Variants in PAWR observed in about 807,000 individuals in gnomAD.
PAWR encodes pro-apoptotic WT1 regulator.
PAWR carries 23 observed loss-of-function variants against 32.0 expected under a neutral mutation model. The ratio of observed to expected loss-of-function variants is 0.72; its 90% CI spans 0.52 to 1.02. The LOEUF is 1.02. PAWR is among the 50% of genes least tolerant of loss of function. The pLI is 0.00. For missense variants in PAWR, 457 were observed against 437.7 expected, an observed-to-expected ratio of 1.04 and a Z score of -0.39; for synonymous variants, 226 against 187.1, an observed-to-expected ratio of 1.21 and a Z score of -1.70.
chr12:79,634,290 T>C (rs1411988582), intron 2 of PAWR, among the ~76,000 whole-genome samples: 2 of 152,182 alleles, frequency 1.3e-5, no homozygotes, highest in Admixed American at 1.3e-4. Flanking sequence ...CTTGGTTTTT[T>C]CTTTTTTAAA....
chr12:79,626,185 A>G (rs868320543), intron 2 of PAWR, among the ~76,000 whole-genome samples: 5 of 133,276 alleles, frequency 3.8e-5, no homozygotes, highest in Non-Finnish European at 8.4e-5. Context: ...AAAAAAAAAA[A>G]GAATACATAT....
chr12:79,615,246 G>T (rs576718054), intron 3 of PAWR, among the ~76,000 whole-genome samples: 46 of 152,210 alleles, frequency 3.0e-4, no homozygotes, highest in African/African-American at 1.1e-3. Context: ...TAAAATGTAA[G>T]TGTCTGACAA....
At chr12:79,681,973 A>G (rs575551111) in intron 2 of PAWR, among the ~76,000 whole-genome samples, 6 of 152,242 alleles carry the variant, frequency 3.9e-5, no homozygotes, top group Non-Finnish European at 8.8e-5. Flanking sequence ...TAGAAAATCA[A>G]TTGATACTTT....
At chr12:79,669,352 C>A (rs973718113) in intron 2 of PAWR, among the ~76,000 whole-genome samples, 1 of 152,158 alleles carries the variant, frequency 6.6e-6, no homozygotes, top group East Asian at 1.9e-4. Context: ...AGAGTAGGGC[C>A]ATGTCTATTC....
chr12:79,674,220 G>A (rs1341526580), intron 2 of PAWR, among the ~76,000 whole-genome samples: 2 of 151,998 alleles, frequency 1.3e-5, no homozygotes, highest in African/African-American at 2.4e-5. Context: ...GACCAATGGA[G>A]CAGGTCAGAG....
At chr12:79,607,728 C>CAA (rs566552836) in intron 4 of PAWR, among the ~76,000 whole-genome samples, 12 of 127,052 alleles carry the variant, frequency 9.4e-5, no homozygotes, top group South Asian at 2.8e-4. Flanking sequence ...GACCTTGTCT[C>CAA]AAAAAAAAAA....
Position 79,624,702 on chromosome 12 carries a change from G to A in PAWR, c.517-3495C>T, listed in dbSNP as rs187244510. On this transcript the variant is annotated intron_variant, in intron 2 of 6. Coordinates refer to ENST00000328827, the MANE Select transcript of PAWR (RefSeq NM_002583.4). Reference sequence around the variant, plus strand: ...AATACATCTGGAGGAAGAAGTTGGCGGAAATCATGAGAAATAAGAGAATTC... The same window carrying A: ...AATACATCTGGAGGAAGAAGTTGGCAGAAATCATGAGAAATAAGAGAATTC... Among the ~76,000 whole-genome samples the A allele has an allele frequency of 4.0e-4, 61 of 152,176 alleles. 1 individual carries two copies. Among genetic ancestry groups the A allele is most frequent in the African/African-American group, 1.3e-3 (54 of 41,518 alleles).
chr12:79,628,677 C>T (rs183738344), intron 2 of PAWR, among the ~76,000 whole-genome samples: 69 of 151,848 alleles, frequency 4.5e-4, no homozygotes, highest in African/African-American at 1.6e-3. Context: ...AAAAGGATAC[C>T]GCAAGAAAAT....
intron 4 of PAWR, chr12:79,604,200 A>G: frequency 1.0e-6 from 1 of 971,212 alleles, no homozygotes; most frequent in Non-Finnish European, 1.2e-6. Context: ...CATTTTACTT[A>G]GGAATGTTAA....
chr12:79,641,875 A>G (rs1301248197), intron 2 of PAWR, among the ~76,000 whole-genome samples: 1 of 126,762 alleles, frequency 7.9e-6, no homozygotes, highest in South Asian at 2.8e-4. Flanking sequence ...AAAAAAAAAA[A>G]GTCATATGAT....
chr12:79,590,111 C>T lies in PAWR; in HGVS notation c.*2496G>A, dbSNP rs139388519. ...CTAAGTTGTAAGGCTCCTGTCTTTACGCTATCATTAAAGGCCAAAAAAATC... is the reference window on the plus strand; with the variant it reads ...CTAAGTTGTAAGGCTCCTGTCTTTATGCTATCATTAAAGGCCAAAAAAATC... On this transcript the variant is annotated 3_prime_UTR_variant, in exon 7 of 7. Transcript: ENST00000328827. 85 of 151,946 alleles carry T rather than the reference C, an allele frequency of 5.6e-4. No individual in the cohort carries two copies. Among genetic ancestry groups the T allele is most frequent in the African/African-American group, 1.9e-3 (77 of 41,420 alleles). 9.4% of individuals were successfully genotyped at this position (151,946 alleles called of 1,614,324 possible).
chr12:79,640,543 C>A (rs1406575402), intron 2 of PAWR, among the ~76,000 whole-genome samples: 1 of 150,664 alleles, frequency 6.6e-6, no homozygotes, highest in East Asian at 1.9e-4. Flanking sequence ...GAGTTTGAGA[C>A]CAGCCCAGGC....
intron 2 of PAWR, among the ~76,000 whole-genome samples, chr12:79,667,385 T>TA (rs1407217686): frequency 3.3e-5 from 5 of 152,182 alleles, no homozygotes; most frequent in African/African-American, 1.2e-4. Flanking sequence ...ACCTCTAGTT[T>TA]AAATCTAAAT....
chr12:79,689,685 TGCCCGCCCCGGCCCGGTCCGG>T (rs1878873069), intron 2 of PAWR, 23 bp downstream of exon 2: 1 of 1,523,264 alleles, frequency 6.6e-7, no homozygotes, highest in Admixed American at 2.0e-5. Flanking sequence ...GGGAGGCAGC[TGCCCGCCCCGGCCCGGTCCGG>T]CTGCGGCCCC....
At chr12:79,659,950 T>C (rs933054890) in intron 2 of PAWR, among the ~76,000 whole-genome samples, 3 of 152,174 alleles carry the variant, frequency 2.0e-5, no homozygotes, top group African/African-American at 7.2e-5. Flanking sequence ...AAAGATTTAC[T>C]CTTCTTAAGT....
intron 3 of PAWR, among the ~76,000 whole-genome samples, chr12:79,620,690 G>GA (rs746224283): frequency 6.6e-6 from 1 of 152,188 alleles, no homozygotes; most frequent in Non-Finnish European, 1.5e-5. Flanking sequence ...CCTGGCATGG[G>GA]GTATTCTGTG....
At chr12:79,596,397 C>T (rs931997583) in intron 5 of PAWR, 114 bp downstream of exon 5, 20 of 587,476 alleles carry the variant, frequency 3.4e-5, no homozygotes, top group Admixed American at 1.1e-4. Flanking sequence ...GGCAGAAAAG[C>T]GCACATATTA....
intron 2 of PAWR, among the ~76,000 whole-genome samples, chr12:79,655,019 TC>T (rs1202274673): frequency 1.3e-5 from 2 of 152,170 alleles, no homozygotes; most frequent in African/African-American, 4.8e-5. Context: ...TTCTTTCAGC[TC>T]GCTAAGCTGC....
At chr12:79,600,222 C>T (rs1463234805) in intron 4 of PAWR, among the ~76,000 whole-genome samples, 1 of 152,134 alleles carries the variant, frequency 6.6e-6, no homozygotes, top group African/African-American at 2.4e-5. Context: ...TTTACTACTG[C>T]TATCGCACTC....
Sources: gnomAD v4.1 joint callset for allele counts (sites outside exome capture counted in the v4.1 genomes callset) on GRCh38, gnomAD v4.1.1 for gene constraint, MANE v1.5 for transcripts, NCBI Gene and HGNC (gene_info 2026-07-23, HGNC 2026-07-21) for gene names.